The following SLC35D4 variants were observed in gnomAD, a reference collection of about 807,000 sequenced individuals.
SLC35D4 encodes the protein UDP-N-acetylglucosamine transporter SLC35D4.
chr18:23,277,879 A>G, the SLC35D4 span, among the ~76,000 whole-genome samples: 1 of 152,154 alleles, frequency 6.6e-6, no homozygotes, highest in Non-Finnish European at 1.5e-5. Context: ...GGCTCAGAGG[A>G]GTCTGTCTAA....
At chr18:23,249,479 T>C in the SLC35D4 span, among the ~76,000 whole-genome samples, 2 of 152,176 alleles carry the variant, frequency 1.3e-5, no homozygotes, top group South Asian at 2.1e-4. Context: ...GGAAAACTTG[T>C]CATGGTGCAG....
chr18:23,384,508 G>A, the SLC35D4 span, among the ~76,000 whole-genome samples: 1 of 152,214 alleles, frequency 6.6e-6, no homozygotes, highest in Non-Finnish European at 1.5e-5. Flanking sequence ...AAAAAGTCTT[G>A]AACAAGCTGG....
At chr18:23,262,023 C>T in the SLC35D4 span, among the ~76,000 whole-genome samples, 1 of 152,182 alleles carries the variant, frequency 6.6e-6, no homozygotes, top group Admixed American at 6.5e-5. Flanking sequence ...TCTTACCATT[C>T]CTCCTTGGTG....
At chr18:23,260,791 G>GC in the SLC35D4 span, among the ~76,000 whole-genome samples, 6 of 152,034 alleles carry the variant, frequency 3.9e-5, no homozygotes, top group East Asian at 1.2e-3. Context: ...CTGAGGGCCA[G>GC]CAAGAGCAGG....
the SLC35D4 span, among the ~76,000 whole-genome samples, chr18:23,299,925 C>T: frequency 6.6e-6 from 1 of 152,208 alleles, no homozygotes; most frequent in Non-Finnish European, 1.5e-5. Flanking sequence ...GTTGATCGTT[C>T]CTATTTAACT....
the SLC35D4 span, among the ~76,000 whole-genome samples, chr18:23,311,199 C>T: frequency 1.3e-5 from 2 of 151,508 alleles, no homozygotes; most frequent in Non-Finnish European, 2.9e-5. Context: ...CCTCCCAGGA[C>T]TCAAGCACTC....
chr18:23,376,329 C>T, the SLC35D4 span, among the ~76,000 whole-genome samples: 1 of 152,142 alleles, frequency 6.6e-6, no homozygotes, highest in Non-Finnish European at 1.5e-5. Context: ...TGTCACTGTA[C>T]CCAATGGACC....
At chr18:23,320,040 G>A in the SLC35D4 span, among the ~76,000 whole-genome samples, 3 of 148,566 alleles carry the variant, frequency 2.0e-5, no homozygotes, top group Non-Finnish European at 4.4e-5. Context: ...TGGGTTGATG[G>A]CAGTGAATAG....
chr18:23,373,332 A>G, the SLC35D4 span, among the ~76,000 whole-genome samples: 2 of 152,154 alleles, frequency 1.3e-5, no homozygotes, highest in Non-Finnish European at 2.9e-5. Context: ...AACAAAAACA[A>G]AAACAAAAAA....
chr18:23,296,509 T>C, the SLC35D4 span: 2 of 152,194 alleles, frequency 1.3e-5, no homozygotes, highest in Non-Finnish European at 1.5e-5. Flanking sequence ...GGTTTCACCA[T>C]GTTGGCCAGG....
At chr18:23,248,344 G>T in the SLC35D4 span, among the ~76,000 whole-genome samples, 2 of 152,072 alleles carry the variant, frequency 1.3e-5, no homozygotes, top group Admixed American at 1.3e-4. Context: ...TGTGCAGCAG[G>T]CATGGTTCAG....
the SLC35D4 span, among the ~76,000 whole-genome samples, chr18:23,276,598 G>A: frequency 6.6e-6 from 1 of 152,076 alleles, no homozygotes; most frequent in African/African-American, 2.4e-5. Flanking sequence ...TAGTTCTTCA[G>A]GCCTGCTATT....
the SLC35D4 span, among the ~76,000 whole-genome samples, chr18:23,308,485 C>G: frequency 6.6e-6 from 1 of 152,096 alleles, no homozygotes; most frequent in Admixed American, 6.5e-5. Flanking sequence ...TTTCATTGCT[C>G]GGAACCCAAA....
chr18:23,404,197 T>C, the SLC35D4 span, among the ~76,000 whole-genome samples: 2 of 152,206 alleles, frequency 1.3e-5, no homozygotes, highest in Non-Finnish European at 2.9e-5. Context: ...ATAAGAGCCT[T>C]CTGTGGCTTG....
chr18:23,335,284 C>T, the SLC35D4 span, among the ~76,000 whole-genome samples: 1 of 152,128 alleles, frequency 6.6e-6, no homozygotes, highest in South Asian at 2.1e-4. Context: ...CATGTCATGC[C>T]TTTCTATCAT....
the SLC35D4 span, among the ~76,000 whole-genome samples, chr18:23,404,991 T>TCAAA: frequency 1.7e-4 from 4 of 23,134 alleles, 1 homozygote; most frequent in Non-Finnish European, 2.3e-4. Flanking sequence ...AGACTCCGTC[T>TCAAA]CAAAAAAAAA....
the SLC35D4 span, among the ~76,000 whole-genome samples, chr18:23,361,808 T>G: frequency 1.3e-5 from 2 of 152,246 alleles, no homozygotes; most frequent in African/African-American, 4.8e-5. Context: ...CCTTCCGGCA[T>G]AATTAAGCTC....
the SLC35D4 span, among the ~76,000 whole-genome samples, chr18:23,418,895 C>G: frequency 6.6e-6 from 1 of 151,816 alleles, no homozygotes; most frequent in Admixed American, 6.6e-5. Flanking sequence ...GTAGTCCCAG[C>G]TACTCGGGAG....
chr18:23,285,858 G>T, the SLC35D4 span, among the ~76,000 whole-genome samples: 1 of 140,538 alleles, frequency 7.1e-6, no homozygotes, highest in Admixed American at 7.1e-5. Flanking sequence ...CTCTTAAAAA[G>T]GTGGCTGGAG....
Sources: allele counts gnomAD v4.1 joint callset (sites outside exome capture counted in the v4.1 genomes callset), GRCh38; gene constraint gnomAD v4.1.1; transcripts MANE v1.5; gene names NCBI Gene and HGNC (gene_info 2026-07-23, HGNC 2026-07-21).